The following CPED1 variants were observed in gnomAD, a reference collection of about 807,000 sequenced individuals.
CPED1 encodes cadherin-like and PC-esterase domain-containing protein 1.
A neutral mutation model predicts 128.2 loss-of-function variants in CPED1; 114 were observed. The ratio of observed to expected loss-of-function variants is 0.89; its 90% CI spans 0.76 to 1.04. The LOEUF is 1.04. Among genes scored for constraint, CPED1 ranks in the 50% least tolerant of loss-of-function variants. The pLI is 0.00. For missense variants in CPED1, 1,211 were observed against 1,207.1 expected (o/e 1.00, Z -0.05); for synonymous variants, 462 against 426.7 (o/e 1.08, Z -1.02).
At chr7:121,005,157 C>CTTATGAGCGAGAACATGTGGAGTTTGGT (rs1791975534) in intron 2 of CPED1, among the ~76,000 whole-genome samples, 2 of 152,192 alleles carry the variant, frequency 1.3e-5, no homozygotes, top group African/African-American at 4.8e-5. Flanking sequence ...TTAACTCCTG[C>CTTATGAGCGAGAACATGTGGAGTTTGGT]TTATGAGCGA....
intron 5 of CPED1, among the ~76,000 whole-genome samples, chr7:121,076,015 C>T (rs564118028): frequency 1.2e-4 from 18 of 152,256 alleles, no homozygotes; most frequent in African/African-American, 2.9e-4. Context: ...AGGACTGAGA[C>T]GCCCTGAGGG....
chr7:120,993,957 G>A (rs1358730484), intron 2 of CPED1: 2 of 329,618 alleles, frequency 6.1e-6, no homozygotes, highest in Non-Finnish European at 1.3e-5. Flanking sequence ...CTGGGTGGGG[G>A]TCGTCCTGCA....
intron 22 of CPED1, among the ~76,000 whole-genome samples, chr7:121,276,060 GTATGGA>G: frequency 6.6e-6 from 1 of 151,976 alleles, no homozygotes; most frequent in Admixed American, 6.6e-5. Flanking sequence ...TAATGAATTA[GTATGGA>G]AATTTAATTC....
At position 121,295,748 on chromosome 7, in the gene CPED1, A is replaced by G; in HGVS notation, c.*96A>G. ...GCGCTGCACATCGCACACATTTGGG[A>G]TCGACCACACACACTTGTGCACACC... On this transcript the variant is annotated 3_prime_UTR_variant, in exon 23 of 23. Transcript: ENST00000310396. 1 of 969,220 alleles carries G rather than the reference A, an allele frequency of 1.0e-6. No homozygotes were observed. The highest frequency in any genetic ancestry group is 1.6e-6 in the Non-Finnish European group (1 of 620,816). The allele number at this position is 969,220 out of a possible 1,614,324, so 60.0% of individuals were successfully genotyped here.
intron 7 of CPED1, among the ~76,000 whole-genome samples, chr7:121,112,452 G>A (rs1331343443): frequency 1.4e-5 from 2 of 143,510 alleles, no homozygotes; most frequent in African/African-American, 5.2e-5. Flanking sequence ...AGACAGTAGA[G>A]TTTTGCACCC....
At chr7:121,009,279 C>CAG (rs1156500338) in intron 2 of CPED1, among the ~76,000 whole-genome samples, 1 of 151,788 alleles carries the variant, frequency 6.6e-6, no homozygotes, top group African/African-American at 2.4e-5. Flanking sequence ...ATCTGAACTG[C>CAG]AGAGAGAGAG....
chr7:121,197,116 ATCT>A (rs1216980138), intron 16 of CPED1, among the ~76,000 whole-genome samples: 1 of 100,204 alleles, frequency 1.0e-5, no homozygotes, highest in Non-Finnish European at 1.9e-5. Context: ...CTTAAAAATA[ATCT>A]TTTTTTTTTT....
intron 16 of CPED1, among the ~76,000 whole-genome samples, chr7:121,177,717 C>CTT (rs1419303569): frequency 6.6e-6 from 1 of 151,986 alleles, no homozygotes; most frequent in Admixed American, 6.6e-5. Flanking sequence ...CTGAAGTGGT[C>CTT]TTTAAGTTCT....
intron 17 of CPED1, among the ~76,000 whole-genome samples, chr7:121,238,279 C>T (rs912989251): frequency 2.0e-5 from 3 of 152,126 alleles, no homozygotes; most frequent in Non-Finnish European, 2.9e-5. Flanking sequence ...ATCAAGTGCA[C>T]GCTCCTTAGC....
intron 5 of CPED1, among the ~76,000 whole-genome samples, chr7:121,094,694 T>C (rs1179385138): frequency 3.9e-5 from 6 of 152,200 alleles, no homozygotes; most frequent in African/African-American, 1.4e-4. Flanking sequence ...TATTAATTGT[T>C]GGTAGACAAG....
chr7:121,236,001 G>C (rs1430117032), intron 16 of CPED1, among the ~76,000 whole-genome samples: 1 of 152,220 alleles, frequency 6.6e-6, no homozygotes, highest in Non-Finnish European at 1.5e-5. Context: ...CATGAAGTAG[G>C]ATAGAAGGAC....
chr7:121,164,640 T>C (rs762546538), intron 16 of CPED1, among the ~76,000 whole-genome samples: 9 of 152,214 alleles, frequency 5.9e-5, no homozygotes, highest in Non-Finnish European at 1.2e-4. Context: ...CCATTGTCTT[T>C]TACTACCCCT....
At chr7:121,239,291 C>T (rs1270881373) in intron 17 of CPED1, among the ~76,000 whole-genome samples, 1 of 151,848 alleles carries the variant, frequency 6.6e-6, no homozygotes, top group Non-Finnish European at 1.5e-5. Flanking sequence ...GTATTGATCT[C>T]AATATACCAT....
chr7:121,257,044 G>A (rs745344715), intron 18 of CPED1, among the ~76,000 whole-genome samples: 2 of 151,924 alleles, frequency 1.3e-5, no homozygotes, highest in African/African-American at 4.8e-5. Context: ...ATAAACATGG[G>A]AACAATAGAT....
At chr7:121,209,460 A>T (rs930247945) in intron 16 of CPED1, among the ~76,000 whole-genome samples, 2 of 152,076 alleles carry the variant, frequency 1.3e-5, no homozygotes, top group African/African-American at 2.4e-5. Flanking sequence ...AAACTATAAA[A>T]ATTTGTTTGT....
chr7:121,075,877 T>C (rs1254386829), intron 5 of CPED1, among the ~76,000 whole-genome samples: 2 of 152,180 alleles, frequency 1.3e-5, no homozygotes, highest in African/African-American at 4.8e-5. Flanking sequence ...TAAAAAATCG[T>C]TGCAAATTTC....
chr7:121,095,288 C>G (rs1383671901), intron 5 of CPED1, among the ~76,000 whole-genome samples: 1 of 152,084 alleles, frequency 6.6e-6, no homozygotes, highest in Non-Finnish European at 1.5e-5. Context: ...CCAACAGATA[C>G]AAGAAATAGT....
intron 2 of CPED1, among the ~76,000 whole-genome samples, chr7:121,001,876 C>G (rs1791869511): frequency 6.6e-6 from 1 of 152,014 alleles, no homozygotes; most frequent in Non-Finnish European, 1.5e-5. Context: ...GCTGAGAGTA[C>G]TTTGAAAAAC....
intron 18 of CPED1, among the ~76,000 whole-genome samples, chr7:121,253,349 T>G: frequency 6.7e-6 from 1 of 148,358 alleles, no homozygotes; most frequent in South Asian, 2.2e-4. Flanking sequence ...CATTAGGAGA[T>G]ATACCTAATT....
Sources: allele counts gnomAD v4.1 joint callset (sites outside exome capture counted in the v4.1 genomes callset), GRCh38; gene constraint gnomAD v4.1.1; transcripts MANE v1.5; gene names NCBI Gene and HGNC (gene_info 2026-07-23, HGNC 2026-07-21).